Variants in ANK1 observed in about 807,000 individuals in gnomAD.
ANK1 encodes ankyrin-1.
Under a neutral mutation model 210.4 loss-of-function variants are expected in ANK1, and 51 were observed. The observed-to-expected ratio is 0.24, with a 90% CI of 0.19 to 0.31. The LOEUF is 0.31. Ranked by LOEUF, ANK1 falls within the 10% of genes least tolerant of loss-of-function variation. The pLI, the probability that ANK1 is intolerant of heterozygous loss-of-function variation, is 1.00. For synonymous variants in ANK1, 967 were observed against 1,025.9 expected (o/e 0.94, Z 1.10); for missense variants, 2,051 against 2,504.4 (o/e 0.82, Z 3.86).
intron 42 of ANK1, among the ~76,000 whole-genome samples, chr8:41,660,239 TGA>T (rs1807499704): frequency 6.6e-6 from 1 of 152,052 alleles, no homozygotes; most frequent in Admixed American, 6.5e-5. Context: ...GCCCAAGTGC[TGA>T]GATATATTGG....
Position 41,704,406 on chromosome 8 carries a change from G to T in ANK1, c.2164C>A (p.Gln722Lys), listed in dbSNP as rs747701761. Residue 722 changes from glutamine (Q) to lysine (K), a missense_variant, in exon 19 of 43, where the codon CAG becomes AAG. Coordinates refer to ENST00000289734, the MANE Select transcript of ANK1 (RefSeq NM_000037.4). The surrounding 1 kb of genome is among the most constrained non-coding windows in gnomAD (Gnocchi z 4.1). ...TTGGCATTGACATCTGCCTGGTGCT[G>T]CAGCAGAAACTTCACCAGCTTGATG... ...GNIKLVKFLL[Q>K]HQADVNAKTK... 3.1e-6 allele frequency: 5 copies of T among 1,614,050 alleles called. No individual in the cohort carries two copies. In the South Asian group the frequency reaches 4.4e-5, roughly 14 times the overall value.
At chr8:41,867,951 C>A (rs531878464) in intron 1 of ANK1, among the ~76,000 whole-genome samples, 1 of 152,230 alleles carries the variant, frequency 6.6e-6, no homozygotes, top group Non-Finnish European at 1.5e-5. Context: ...CCTCCACCTC[C>A]CAGGTTCAAG....
intron 2 of ANK1, 62 bp downstream of exon 2, chr8:41,757,974 G>C (rs1410189685): frequency 2.8e-6 from 4 of 1,448,636 alleles, no homozygotes; most frequent in Non-Finnish European, 3.9e-6. Flanking sequence ...AAAGCTCTCA[G>C]GAAATGGCAT....
At chr8:41,732,800 C>G (rs1444410579) in intron 3 of ANK1, among the ~76,000 whole-genome samples, 3 of 152,046 alleles carry the variant, frequency 2.0e-5, no homozygotes, top group African/African-American at 7.3e-5. Flanking sequence ...GCAGTCATGG[C>G]TCACTGCAAC....
At chr8:41,722,627 C>T (rs1014466458) in intron 9 of ANK1, among the ~76,000 whole-genome samples, 1 of 152,186 alleles carries the variant, frequency 6.6e-6, no homozygotes, top group Non-Finnish European at 1.5e-5. Context: ...TTTTTAACTT[C>T]GCTTCAGTCT....
chr8:41,850,213 G>A (rs545081169), intron 1 of ANK1, among the ~76,000 whole-genome samples: 1 of 152,306 alleles, frequency 6.6e-6, no homozygotes, highest in East Asian at 1.9e-4. Context: ...TCGTTACAGT[G>A]CAGCCGTCGT....
rs1417068206 is a variant in ANK1, at chr8:41,658,911, TAAATAAATAAA to T, written c.*36+2508_*36+2518del. Among the ~76,000 whole-genome samples, 64 of 65,480 alleles carry T rather than the reference TAAATAAATAAA, an allele frequency of 9.8e-4. No individual in the cohort carries two copies. The South Asian group carries it at 0.03, about 31-fold the overall frequency. 43.0% of individuals were successfully genotyped at this position (65,480 alleles called of 152,430 possible). Reference sequence around the variant, plus strand: ...CCCTCTCAAAATATAAATAAATAAATAAATAAATAAATAAATAAATAAATAGTCGCTGTGAA... The same window carrying T: ...CCCTCTCAAAATATAAATAAATAAATTAAATAAATAAATAGTCGCTGTGAA... On this transcript the variant is annotated intron_variant, in intron 42 of 42. Transcript: ENST00000289734.
At chr8:41,819,045 A>G (rs2150787867) in intron 1 of ANK1, among the ~76,000 whole-genome samples, 1 of 152,340 alleles carries the variant, frequency 6.6e-6, no homozygotes, top group South Asian at 2.1e-4. Flanking sequence ...GACAGGGTAG[A>G]TCTACCAGCC....
intron 9 of ANK1, among the ~76,000 whole-genome samples, chr8:41,721,906 C>T (rs1829377680): frequency 6.6e-6 from 1 of 152,190 alleles, no homozygotes; most frequent in Non-Finnish European, 1.5e-5. Context: ...CTTTTCAGCC[C>T]CATTCTAATG....
intron 37 of ANK1, among the ~76,000 whole-genome samples, chr8:41,680,438 C>T (rs1054195591): frequency 3.9e-5 from 6 of 151,908 alleles, no homozygotes. Context: ...TGGCGGGCAC[C>T]TGTAGTCCCA....
intron 34 of ANK1, 131 bp from the exon 35 acceptor site, chr8:41,688,361 G>A: frequency 7.0e-7 from 1 of 1,423,684 alleles, no homozygotes; most frequent in Non-Finnish European, 9.9e-7. Context: ...GCAAGATCAG[G>A]GGAAGACCCG....
chr8:41,672,592 G>T lies in ANK1; in HGVS notation c.4858C>A (p.Leu1620Ile). 1 of 1,614,260 alleles carries T rather than the reference G, an allele frequency of 6.2e-7. No individual in the cohort carries two copies. The highest frequency in any genetic ancestry group is 1.3e-5 in the African/African-American group (1 of 75,068). The change falls in exon 38 of 43, where the codon CTT becomes ATT. Residue 1620 changes from leucine (L) to isoleucine (I), a missense_variant. This residue lies in a region of ANK1 where 496 missense variants were observed against 533.4 expected (regional missense o/e 0.93). Coordinates refer to ENST00000289734, the MANE Select transcript of ANK1 (RefSeq NM_000037.4). ...GAATCCACTGTGTCGTCCTCCACAAGTTCCAGAGAGCCCAACTCGGGGCCC... is the reference window on the plus strand; with the variant it reads ...GAATCCACTGTGTCGTCCTCCACAATTTCCAGAGAGCCCAACTCGGGGCCC... ...PRGPELGSLELVEDDTVDSDA... is the reference protein window; with the variant it reads ...PRGPELGSLEIVEDDTVDSDA...
At chr8:41,728,930 C>T (rs1028176006) in intron 3 of ANK1, among the ~76,000 whole-genome samples, 5 of 152,214 alleles carry the variant, frequency 3.3e-5, no homozygotes, top group Non-Finnish European at 5.9e-5. Context: ...TTCTGCAAGG[C>T]AACAAGCCCT....
intron 1 of ANK1, among the ~76,000 whole-genome samples, chr8:41,778,726 T>C (rs917359279): frequency 3.3e-5 from 5 of 152,230 alleles, no homozygotes; most frequent in African/African-American, 9.6e-5. Flanking sequence ...TGTCTCCCGT[T>C]GTGAGGTTGG....
chr8:41,836,580 C>A (rs984023834), intron 1 of ANK1, among the ~76,000 whole-genome samples: 1 of 152,158 alleles, frequency 6.6e-6, no homozygotes, highest in Non-Finnish European at 1.5e-5. Context: ...GGCTTCCAAC[C>A]GGCGAAAACT....
In ANK1 at chr8:41,704,518, G is replaced by T. The variant is rs1177556755; in HGVS notation, c.2098-46C>A. 6.6e-7 allele frequency: 1 copy of T among 1,521,640 alleles called. No individual in the cohort carries two copies. Among genetic ancestry groups the T allele is most frequent in the Non-Finnish European group, 9.1e-7 (1 of 1,096,126 alleles). 94.3% of individuals were successfully genotyped at this position (1,521,640 alleles called of 1,614,324 possible). On this transcript the variant is annotated intron_variant, in intron 18 of 42. Transcript: ENST00000289734. This position sits in a 1 kb window ranked among gnomAD's most constrained non-coding sequence, Gnocchi z 4.1. ...AGTGACCGGAGCTGTCCTGAGCTGG[G>T]CATCACATGAAATCCTTCCCAAAGC...
At chr8:41,737,879 G>A (rs888897421) in intron 2 of ANK1, among the ~76,000 whole-genome samples, 2 of 152,314 alleles carry the variant, frequency 1.3e-5, no homozygotes, top group East Asian at 1.9e-4. Context: ...GCCATCAAAC[G>A]CTGAGCAATT....
chr8:41,893,234 T>C (rs910161381), intron 1 of ANK1, among the ~76,000 whole-genome samples: 1 of 152,232 alleles, frequency 6.6e-6, no homozygotes. Flanking sequence ...GCTTTACACA[T>C]GCTTTGCAAT....
intron 36 of ANK1, among the ~76,000 whole-genome samples, chr8:41,685,796 G>A (rs770230181): frequency 1.1e-3 from 168 of 151,738 alleles, no homozygotes; most frequent in Middle Eastern, 0.01. Context: ...CACCACACCT[G>A]GCTAATTTTG....
Sources: gnomAD v4.1 joint callset for allele counts (sites outside exome capture counted in the v4.1 genomes callset) on GRCh38, gnomAD v4.1.1 for gene constraint, gnomAD v4.1.1 regional missense constraint, Gnocchi (gnomAD v3.1) non-coding constraint, MANE v1.5 for transcripts, NCBI Gene and HGNC (gene_info 2026-07-23, HGNC 2026-07-21) for gene names.